EMSY: variants seen among roughly 807,000 people sequenced by gnomAD.
The protein encoded by EMSY is EMSY transcriptional repressor, BRCA2 interacting.
In EMSY, 26 loss-of-function variants were observed where a neutral mutation model predicts 134.6. The observed-to-expected ratio is 0.19, with a 90% CI of 0.14 to 0.27. EMSY has a LOEUF of 0.27. EMSY is among the 10% of genes least tolerant of loss of function. The pLI is 1.00. For synonymous variants in EMSY, 579 were observed against 577.8 expected (o/e 1.00, Z -0.03); for missense variants, 1,305 against 1,611.4 (o/e 0.81, Z 3.26).
exon 19 of EMSY, chr11:76,544,544 A>G (rs750895459): frequency 1.2e-6 from 2 of 1,614,122 alleles, no homozygotes; most frequent in Admixed American, 1.7e-5. Flanking sequence ...CCAGCTTTCC[A>G]TCAGGCATCA....
Position 76,516,313 on chromosome 11 carries a change from G to A in EMSY, c.1684+1G>A, listed in dbSNP as rs2136167684. The A allele has an allele frequency of 1.2e-6, 2 of 1,601,106 alleles. No homozygotes were observed. The highest frequency in any genetic ancestry group is 1.7e-6 in the Non-Finnish European group (2 of 1,169,924). Reference sequence around the variant, plus strand: ...ATAATTAGCAGTAATATAGTTTCTGGTAGGTATATCTGAAATATGTTAAAG... The same window carrying A: ...ATAATTAGCAGTAATATAGTTTCTGATAGGTATATCTGAAATATGTTAAAG... On this transcript the variant is annotated splice_donor_variant, in intron 11 of 20. Transcript: ENST00000334736. LOFTEE classifies it high-confidence loss of function.
In EMSY at chr11:76,489,309, T is replaced by C. The variant is rs147541191; in HGVS notation, c.1109-6906T>C. On this transcript the variant is annotated intron_variant, in intron 8 of 20. Coordinates refer to ENST00000334736, the Ensembl canonical transcript of EMSY. Reference sequence around the variant, plus strand: ...TTGATGGACTTGATCAGATTCTTCTTGTTTTCTTTTTTTTTTTTTTTTTGG... The same window carrying C: ...TTGATGGACTTGATCAGATTCTTCTCGTTTTCTTTTTTTTTTTTTTTTTGG... Among the ~76,000 whole-genome samples, 278 of 145,312 alleles carry C rather than the reference T, an allele frequency of 1.9e-3. 1 individual carries two copies. The highest frequency in any genetic ancestry group is 6.9e-3 in the African/African-American group (267 of 38,834).
chr11:76,464,309 C>T (rs1470245062), intron 7 of EMSY, among the ~76,000 whole-genome samples: 1 of 152,046 alleles, frequency 6.6e-6, no homozygotes, highest in Admixed American at 6.5e-5. Context: ...ATGACACAGC[C>T]GAATCTCTTC....
rs760258887 is a variant in EMSY at position 76,516,317 on chromosome 11, G to T, written c.1684+5G>T. ...TTAGCAGTAATATAGTTTCTGGTAG[G>T]TATATCTGAAATATGTTAAAGGTAT... On this transcript the variant is annotated splice_donor_5th_base_variant and intron_variant, in intron 11 of 20. Coordinates refer to ENST00000334736, the Ensembl canonical transcript of EMSY. 1.3e-6 allele frequency: 2 copies of T among 1,596,636 alleles called. No individual in the cohort carries two copies. The highest frequency in any genetic ancestry group is 1.7e-6 in the Non-Finnish European group (2 of 1,166,738).
rs2136726021 is a variant in EMSY, at chr11:76,543,556, C to T, written c.2710-703C>T. On this transcript the variant is annotated intron_variant, in intron 18 of 20. Coordinates refer to ENST00000334736, the Ensembl canonical transcript of EMSY. ...TGACAGGCTGGCCCTAACCGTGTCA[C>T]TCAAGATGATGCCTCCTCACAACAC... 2.0e-5 allele frequency among the ~76,000 whole-genome samples: 3 copies of T among 152,310 alleles called. 1 individual carries two copies. The highest frequency in any genetic ancestry group is 6.8e-3 in the Middle Eastern group (2 of 294).
intron 9 of EMSY, among the ~76,000 whole-genome samples, chr11:76,508,504 A>C (rs1950161743): frequency 6.6e-6 from 1 of 152,182 alleles, no homozygotes; most frequent in African/African-American, 2.4e-5. Flanking sequence ...GCATTTTGCG[A>C]ATGGTAAATG....
rs374616794 is a variant in EMSY, at chr11:76,544,226, A to G, written c.2710-33A>G. 40 of 1,549,056 alleles carry G rather than the reference A, an allele frequency of 2.6e-5. No homozygotes were observed. In the African/African-American group the frequency reaches 5.2e-4, roughly 20 times the overall value. ...ATGTAGCAATGTAGATGTTTTTCTT[A>G]TTTCATTCTTACTTTGTGCCTTTTT... On this transcript the variant is annotated intron_variant, in intron 18 of 20. Transcript: ENST00000334736.
intron 11 of EMSY, among the ~76,000 whole-genome samples, chr11:76,519,749 C>A (rs902367181): frequency 2.0e-5 from 3 of 152,206 alleles, no homozygotes; most frequent in South Asian, 4.1e-4. Flanking sequence ...TTATAATGCC[C>A]AAACTTTTAC....
chr11:76,469,064 A>G (rs1948471417), intron 7 of EMSY, among the ~76,000 whole-genome samples: 2 of 152,202 alleles, frequency 1.3e-5, no homozygotes, highest in South Asian at 4.1e-4. Context: ...ATCATCTTGC[A>G]GGCTGAAATC....
intron 9 of EMSY, among the ~76,000 whole-genome samples, chr11:76,505,270 A>C (rs1950027011): frequency 6.7e-6 from 1 of 149,956 alleles, no homozygotes; most frequent in African/African-American, 2.4e-5. Flanking sequence ...GTCTTGGCTC[A>C]CTGCAACTTA....
At chr11:76,451,727 T>G (rs934085213) in intron 2 of EMSY, 131 bp from the exon 3 acceptor site, 6 of 454,998 alleles carry the variant, frequency 1.3e-5, no homozygotes, top group African/African-American at 1.2e-4. Context: ...TAGATAAAAT[T>G]TTTGAAAGGA....
At chr11:76,502,630 C>G (rs1187852905) in intron 9 of EMSY, among the ~76,000 whole-genome samples, 1 of 151,134 alleles carries the variant, frequency 6.6e-6, no homozygotes, top group Non-Finnish European at 1.5e-5. Flanking sequence ...GATACAAAGT[C>G]AACACACAAA....
intron 17 of EMSY, 31 bp from the exon 19 acceptor site, chr11:76,542,185 G>A (rs1334454350): frequency 6.2e-7 from 1 of 1,612,970 alleles, no homozygotes; most frequent in Non-Finnish European, 8.5e-7. Context: ...GGTGATTTCT[G>A]GAGAAATATC....
At chr11:76,458,252 G>C in exon 5 of EMSY, 2 of 1,614,078 alleles carry the variant, frequency 1.2e-6, no homozygotes, top group South Asian at 2.2e-5. Context: ...TGATGCCCCG[G>C]CTCGTTCCCC....
rs201628075 is a variant in EMSY at position 76,537,777 on chromosome 11, C to T, written c.2360-18C>T. ...GTTTGTAATAAAAGTTAACTTTTCCCCTGACTTTTTTATGCAGTAAAGGAA... is the reference window on the plus strand; with the variant it reads ...GTTTGTAATAAAAGTTAACTTTTCCTCTGACTTTTTTATGCAGTAAAGGAA... On this transcript the variant is annotated intron_variant, in intron 15 of 20. Transcript: ENST00000334736. 18 of 1,579,798 alleles carry T rather than the reference C, an allele frequency of 1.1e-5. No homozygotes were observed. In the Admixed American group the frequency reaches 1.5e-4, roughly 13 times the overall value.
chr11:76,515,744 C>A (rs751107987), intron 10 of EMSY, among the ~76,000 whole-genome samples: 5 of 152,156 alleles, frequency 3.3e-5, no homozygotes, highest in African/African-American at 4.8e-5. Flanking sequence ...ACTAAGACAG[C>A]ATAAAACAGA....
exon 7 of EMSY, chr11:76,463,834 A>T: frequency 6.2e-7 from 1 of 1,614,214 alleles, no homozygotes; most frequent in African/African-American, 1.3e-5. Flanking sequence ...TAAGCTGTTC[A>T]GATGAAGATG....
rs1232934619 is a variant in EMSY, at chr11:76,549,909, A to G, written c.3775-43A>G. On this transcript the variant is annotated intron_variant, in intron 20 of 20. Coordinates refer to ENST00000334736, the Ensembl canonical transcript of EMSY. ...ATATTGTTGGGGAAGTTATTCTGCT[A>G]CCTTTTCTTACCATAAAGATTCTCC... 4 of 1,411,008 alleles carry G rather than the reference A, an allele frequency of 2.8e-6. No homozygotes were observed. The Admixed American group carries it at 7.1e-5, about 25-fold the overall frequency. 87.4% of individuals were successfully genotyped at this position (1,411,008 alleles called of 1,614,324 possible). A position where few individuals can be genotyped will look rare whatever the true frequency, so the allele number is the denominator to read the frequency against.
intron 8 of EMSY, among the ~76,000 whole-genome samples, chr11:76,487,270 C>G (rs1021041062): frequency 3.9e-5 from 6 of 152,160 alleles, no homozygotes; most frequent in Non-Finnish European, 7.4e-5. Flanking sequence ...ACAGAGTCTC[C>G]TGGTCTCTCA....
Sources: allele counts gnomAD v4.1 joint callset (sites outside exome capture counted in the v4.1 genomes callset), GRCh38; gene constraint gnomAD v4.1.1; transcripts MANE v1.5; gene names NCBI Gene and HGNC (gene_info 2026-07-23, HGNC 2026-07-21).